Variants in TXLNG observed in about 807,000 individuals in gnomAD.
TXLNG encodes the protein gamma-taxilin.
Under a neutral mutation model 38.8 loss-of-function variants are expected in TXLNG, and 5 were observed. The ratio of observed to expected loss-of-function variants is 0.13; its 90% CI spans 0.07 to 0.27. TXLNG has a LOEUF of 0.27. Ranked by LOEUF, TXLNG falls within the 10% of genes least tolerant of loss-of-function variation. The pLI, the probability that TXLNG is intolerant of heterozygous loss-of-function variation, is 1.00. For synonymous variants in TXLNG, 182 were observed against 158.2 expected, an observed-to-expected ratio of 1.15 and a Z score of -1.13; for missense variants, 393 against 398.2, an observed-to-expected ratio of 0.99 and a Z score of 0.11.
chrX:16,841,062 G>T (rs978968730), intron 9 of TXLNG, among the ~76,000 whole-genome samples: 11 of 109,896 alleles, frequency 1.0e-4, no homozygotes, highest in Admixed American at 3.9e-4. Flanking sequence ...GGGCGTGGTG[G>T]GGCGCGCCTG....
chrX:16,841,341 A>G lies in TXLNG; in HGVS notation c.1249-87A>G, dbSNP rs774715235. 3 of 806,176 alleles carry G rather than the reference A, an allele frequency of 3.7e-6. No individual in the cohort carries two copies. The East Asian group carries it at 9.5e-5, about 26-fold the overall frequency. 66.4% of individuals were successfully genotyped at this position (806,176 alleles called of 1,213,427 possible). A position where few individuals can be genotyped will look rare whatever the true frequency, so the allele number is the denominator to read the frequency against. ...GACGGAACATGTTCCATAGGTGAGA[A>G]GTGTCCAATATGGCTGAGCTGGCTT... is the stretch of plus-strand genomic sequence containing the variant. On this transcript the variant is annotated intron_variant, in intron 9 of 9. Transcript: ENST00000380122.
intron 1 of TXLNG, among the ~76,000 whole-genome samples, chrX:16,787,659 T>G (rs1343965923): frequency 1.8e-5 from 2 of 111,221 alleles, no homozygotes; most frequent in Non-Finnish European, 3.8e-5. Flanking sequence ...GGCCCTGGAA[T>G]GGATAATTGC....
chrX:16,797,248 C>A (rs906304731), intron 1 of TXLNG, among the ~76,000 whole-genome samples: 2 of 105,511 alleles, frequency 1.9e-5, no homozygotes, highest in African/African-American at 7.0e-5. Context: ...CATACCATTA[C>A]ACTCCAGCCT....
At chrX:16,792,199 A>G (rs773922642) in intron 1 of TXLNG, among the ~76,000 whole-genome samples, 2 of 112,219 alleles carry the variant, frequency 1.8e-5, no homozygotes, top group East Asian at 2.8e-4. Context: ...ATCCCCAGGT[A>G]TATAGATAAG....
At position 16,838,367 on chromosome X, in the gene TXLNG, C is replaced by T. The variant is rs893127889; in HGVS notation, c.1152+682C>T. Among the ~76,000 whole-genome samples the T allele has an allele frequency of 2.1e-4, 23 of 111,867 alleles. No homozygotes were observed. The Admixed American group carries it at 2.2e-3, about 11-fold the overall frequency. On this transcript the variant is annotated intron_variant, in intron 8 of 9. Transcript: ENST00000380122. The stretch of plus-strand genomic sequence containing the variant: ...TGGGGAGAAGTACAGTAGTGCCTGG[C>T]ACTTTGTTAGCATTCAGTAGATGTT...
intron 1 of TXLNG, among the ~76,000 whole-genome samples, chrX:16,807,070 C>T (rs946431560): frequency 2.7e-5 from 3 of 111,053 alleles, no homozygotes; most frequent in South Asian, 3.8e-4. Context: ...GGTGATGGAG[C>T]GAGACTCTGT....
intron 5 of TXLNG, among the ~76,000 whole-genome samples, chrX:16,830,338 T>C (rs1376276364): frequency 4.6e-5 from 5 of 107,712 alleles, no homozygotes; most frequent in Non-Finnish European, 7.7e-5. Flanking sequence ...ATGAAGACTT[T>C]TGGAATTATT....
intron 3 of TXLNG, among the ~76,000 whole-genome samples, chrX:16,827,049 G>A (rs1260086160): frequency 3.7e-5 from 4 of 107,750 alleles, no homozygotes; most frequent in Non-Finnish European, 5.8e-5. Context: ...GCCAACATAG[G>A]GAAACCCTGT....
At chrX:16,792,156 C>G (rs1411762094) in intron 1 of TXLNG, among the ~76,000 whole-genome samples, 4 of 111,893 alleles carry the variant, frequency 3.6e-5, no homozygotes, top group Non-Finnish European at 5.6e-5. Flanking sequence ...TGAATGCATT[C>G]TAATATCTCC....
intron 1 of TXLNG, among the ~76,000 whole-genome samples, chrX:16,807,392 G>A (rs1382619064): frequency 8.9e-6 from 1 of 111,891 alleles, no homozygotes; most frequent in Non-Finnish European, 1.9e-5. Context: ...ATAAAGTGAG[G>A]GAAACAGTGT....
At chrX:16,815,415 TC>T (rs771511294) in intron 1 of TXLNG, among the ~76,000 whole-genome samples, 3 of 112,105 alleles carry the variant, frequency 2.7e-5, no homozygotes, top group Non-Finnish European at 3.8e-5. Context: ...CCTCAGGTGA[TC>T]CGCCTGCCTC....
chrX:16,805,223 T>G (rs1333008606), intron 1 of TXLNG, among the ~76,000 whole-genome samples: 1 of 108,622 alleles, frequency 9.2e-6, no homozygotes, highest in African/African-American at 3.3e-5. Flanking sequence ...GCTCAAGCAA[T>G]CCTCCTACCT....
intron 8 of TXLNG, among the ~76,000 whole-genome samples, chrX:16,838,007 C>T (rs971421400): frequency 3.6e-5 from 4 of 112,037 alleles, no homozygotes; most frequent in Non-Finnish European, 7.5e-5. Flanking sequence ...TCAGCCCTCT[C>T]ATAAAACTCT....
At chrX:16,797,469 T>C (rs1370939357) in intron 1 of TXLNG, among the ~76,000 whole-genome samples, 1 of 111,671 alleles carries the variant, frequency 9.0e-6, no homozygotes, top group Non-Finnish European at 1.9e-5. Flanking sequence ...AAGGCTTGAC[T>C]GGGAAAGATC....
intron 7 of TXLNG, among the ~76,000 whole-genome samples, chrX:16,834,911 G>A (rs754425196): frequency 9.0e-6 from 1 of 110,880 alleles, no homozygotes; most frequent in Non-Finnish European, 1.9e-5. Context: ...GTGGTGGCAC[G>A]CCTGTAGTCC....
At chrX:16,837,516 A>T in intron 7 of TXLNG, 77 bp from the exon 8 acceptor site, 1 of 708,121 alleles carries the variant, frequency 1.4e-6, no homozygotes, top group Non-Finnish European at 2.1e-6. Context: ...AAGTAACCAT[A>T]CTACGTTCTT....
At chrX:16,800,347 C>T (rs1313635552) in intron 1 of TXLNG, among the ~76,000 whole-genome samples, 9 of 111,038 alleles carry the variant, frequency 8.1e-5, no homozygotes, top group Non-Finnish European at 1.3e-4. Context: ...CTCCACCTCC[C>T]AGGCTCAGGT....
intron 1 of TXLNG, among the ~76,000 whole-genome samples, chrX:16,813,921 C>T (rs1349851990): frequency 9.0e-6 from 1 of 110,657 alleles, no homozygotes; most frequent in Non-Finnish European, 1.9e-5. Context: ...CCCGTCTCTA[C>T]TAAAAACACA....
At chrX:16,803,638 T>A in intron 1 of TXLNG, among the ~76,000 whole-genome samples, 1 of 100,686 alleles carries the variant, frequency 9.9e-6, no homozygotes, top group South Asian at 5.6e-4. Context: ...CCACTGCGCC[T>A]GGCCAATACC....
Sources: gnomAD v4.1 joint callset for allele counts (sites outside exome capture counted in the v4.1 genomes callset) on GRCh38, gnomAD v4.1.1 for gene constraint, MANE v1.5 for transcripts, NCBI Gene and HGNC (gene_info 2026-07-23, HGNC 2026-07-21) for gene names.